Variants in CD53 observed in about 807,000 individuals in gnomAD.
CD53 encodes CD53 molecule.
Under a neutral mutation model 27.3 loss-of-function variants are expected in CD53, and 20 were observed. That is an observed-to-expected ratio of 0.73 (90% CI 0.52 to 1.07). The LOEUF is 1.07. Among genes scored for constraint, CD53 ranks in the 50% least tolerant of loss-of-function variants. The pLI is 0.00. For synonymous variants in CD53, 106 were observed against 105.3 expected, an observed-to-expected ratio of 1.01 and a Z score of -0.04; for missense variants, 216 against 264.0, an observed-to-expected ratio of 0.82 and a Z score of 1.26.
chr1:110,899,024 T>C, intron 7 of CD53, 100 bp from the exon 8 acceptor site: 1 of 817,984 alleles, frequency 1.2e-6, no homozygotes, highest in East Asian at 2.6e-5. Flanking sequence ...GTGGTTTCAG[T>C]GTAATGGATA....
intron 7 of CD53, among the ~76,000 whole-genome samples, chr1:110,898,817 T>C (rs1448079389): frequency 6.6e-6 from 1 of 152,152 alleles, no homozygotes; most frequent in Non-Finnish European, 1.5e-5. Flanking sequence ...TAGAGATAAC[T>C]CATTGCACAG....
At chr1:110,891,144 T>C (rs1476757738) in intron 1 of CD53, among the ~76,000 whole-genome samples, 3 of 152,256 alleles carry the variant, frequency 2.0e-5, no homozygotes, top group African/African-American at 7.2e-5. Context: ...CTCTATTTTC[T>C]TCTACAATAC....
intron 1 of CD53, among the ~76,000 whole-genome samples, chr1:110,876,488 T>G (rs979961785): frequency 8.5e-5 from 13 of 152,212 alleles, no homozygotes; most frequent in African/African-American, 3.1e-4. Flanking sequence ...CAAACCTTTT[T>G]GTTTGGCCTT....
chr1:110,886,584 C>A (rs1175342811), intron 1 of CD53, among the ~76,000 whole-genome samples: 6 of 152,012 alleles, frequency 3.9e-5, no homozygotes, highest in African/African-American at 1.4e-4. Context: ...CATGGTGGCT[C>A]ACACCTGTAA....
chr1:110,894,951 C>T lies in CD53; in HGVS notation c.328-9C>T, dbSNP rs200055036. On this transcript the variant is annotated splice_polypyrimidine_tract_variant and intron_variant, in intron 4 of 7. Coordinates refer to ENST00000271324, the MANE Select transcript of CD53 (RefSeq NM_000560.4). ...ACCATGTCTCCTCTGCTGGAATGTG[C>T]CTGCCCAGCTGAATGAGTATGTGGC... The T allele has an allele frequency of 1.2e-4, 187 of 1,606,736 alleles. 1 individual carries two copies. Among genetic ancestry groups the T allele is most frequent in the Middle Eastern group, 3.3e-4 (2 of 6,054 alleles).
At chr1:110,872,794 T>C (rs1256316711), upstream of CD53, among the ~76,000 whole-genome samples, 1 of 152,172 alleles carries the variant, frequency 6.6e-6, no homozygotes, top group African/African-American at 2.4e-5. Context: ...AATGGGAAAC[T>C]GGTGGTGGGG....
chr1:110,885,547 AAAAC>A (rs1656547650), intron 1 of CD53, among the ~76,000 whole-genome samples: 1 of 150,000 alleles, frequency 6.7e-6, no homozygotes, highest in African/African-American at 2.5e-5. Flanking sequence ...CAAAAAACAA[AAAAC>A]AAACAACAAC....
chr1:110,894,283 AG>A (rs752547775), intron 3 of CD53, 43 bp from the exon 4 acceptor site: 1 of 1,561,398 alleles, frequency 6.4e-7, no homozygotes, highest in East Asian at 2.2e-5. Flanking sequence ...GAGTGGGACG[AG>A]AATGGGGATC....
At chr1:110,892,174 A>C (rs1021181099) in intron 2 of CD53, among the ~76,000 whole-genome samples, 171 bp from the exon 3 acceptor site, 2 of 152,222 alleles carry the variant, frequency 1.3e-5, no homozygotes, top group Non-Finnish European at 1.5e-5. Context: ...GAGAAAGCTG[A>C]GATTGCCTCT....
At chr1:110,878,682 C>G (rs1656221304) in intron 1 of CD53, among the ~76,000 whole-genome samples, 1 of 152,080 alleles carries the variant, frequency 6.6e-6, no homozygotes, top group Non-Finnish European at 1.5e-5. Context: ...TCAATCTTAG[C>G]TTACAAAGGT....
chr1:110,894,305 G>C, intron 3 of CD53, 22 bp from the exon 4 acceptor site: 10 of 1,610,680 alleles, frequency 6.2e-6, no homozygotes, highest in Non-Finnish European at 7.6e-6. Context: ...AGTGCTGTGA[G>C]AATGTATCTG....
chr1:110,889,328 G>C (rs571220922), intron 1 of CD53, among the ~76,000 whole-genome samples: 1 of 152,000 alleles, frequency 6.6e-6, no homozygotes, highest in East Asian at 1.9e-4. Flanking sequence ...AGGCTGAGAC[G>C]GGTAGATCAC....
rs1408051032 is a variant in CD53 at position 110,899,852 on chromosome 1, ATCTC to A, written c.*661_*664del. On this transcript the variant is annotated 3_prime_UTR_variant, in exon 8 of 8. Transcript: ENST00000271324. ...TCACAGTAAGAAGACTTCTGGTATT[ATCTC>A]TCTATCAGATAAGATTTTGTTAATG... 3 of 152,698 alleles carry A rather than the reference ATCTC, an allele frequency of 2.0e-5. No individual in the cohort carries two copies. The highest frequency in any genetic ancestry group is 7.2e-5 in the African/African-American group (3 of 41,452). The allele number at this position is 152,698 out of a possible 1,614,324, so 9.5% of individuals were successfully genotyped here. A position where few individuals can be genotyped will look rare whatever the true frequency, so the allele number is the denominator to read the frequency against.
intron 6 of CD53, among the ~76,000 whole-genome samples, chr1:110,897,417 T>C (rs1000750818): frequency 2.6e-5 from 4 of 152,238 alleles, no homozygotes; most frequent in Non-Finnish European, 5.9e-5. Flanking sequence ...AGGGCTATGA[T>C]GGATTTACTG....
chr1:110,874,867 C>T (rs910962858), intron 1 of CD53, among the ~76,000 whole-genome samples: 6 of 152,154 alleles, frequency 3.9e-5, no homozygotes, highest in African/African-American at 1.4e-4. Context: ...CAGAGGCCCT[C>T]GGACTCTGGT....
intron 7 of CD53, among the ~76,000 whole-genome samples, chr1:110,898,807 T>C (rs148554397): frequency 1.6e-4 from 24 of 152,274 alleles, no homozygotes; most frequent in Non-Finnish European, 2.9e-4. Flanking sequence ...AGAGCATGGA[T>C]AGAGATAACT....
At chr1:110,890,975 A>G (rs1209075850) in intron 1 of CD53, among the ~76,000 whole-genome samples, 1 of 152,262 alleles carries the variant, frequency 6.6e-6, no homozygotes, top group Non-Finnish European at 1.5e-5. Context: ...TATTTAAGAA[A>G]CTGGCTGATC....
intron 1 of CD53, among the ~76,000 whole-genome samples, chr1:110,888,399 C>T (rs1427651245): frequency 2.0e-5 from 3 of 152,182 alleles, no homozygotes; most frequent in Non-Finnish European, 4.4e-5. Flanking sequence ...CCTCTATGCT[C>T]CATGGTTTGG....
chr1:110,885,293 G>C (rs1017839279), intron 1 of CD53, among the ~76,000 whole-genome samples: 1 of 152,238 alleles, frequency 6.6e-6, no homozygotes, highest in African/African-American at 2.4e-5. Flanking sequence ...GCTCACGCCT[G>C]TAATCCCAGC....
Sources: allele counts gnomAD v4.1 joint callset (sites outside exome capture counted in the v4.1 genomes callset), GRCh38; gene constraint gnomAD v4.1.1; transcripts MANE v1.5; gene names NCBI Gene and HGNC (gene_info 2026-07-23, HGNC 2026-07-21).